TRIM37: variants seen among roughly 807,000 people sequenced by gnomAD.
The protein encoded by TRIM37 is E3 ubiquitin-protein ligase TRIM37.
In TRIM37, 80 loss-of-function variants were observed where a neutral mutation model predicts 129.8. That is an observed-to-expected ratio of 0.62 (90% CI 0.51 to 0.74). The LOEUF is 0.74. Ranked by LOEUF, TRIM37 falls within the 30% of genes least tolerant of loss-of-function variation. The pLI is 0.00. For missense variants in TRIM37, 1,054 were observed against 1,176.5 expected (o/e 0.90, Z 1.52); for synonymous variants, 389 against 387.1 (o/e 1.00, Z -0.06).
chr17:58,982,780 A>C, exon 25 of TRIM37: 1 of 726,216 alleles, frequency 1.4e-6, no homozygotes, highest in Non-Finnish European at 2.2e-6. Flanking sequence ...AAAGGAGTCA[A>C]CATGGCCCCA....
rs1436645474 is a variant in TRIM37, at chr17:59,047,669, A to T, written c.1667+14T>A. On this transcript the variant is annotated intron_variant, in intron 16 of 23. Transcript: ENST00000262294. ...CCACTTAAATGCTTTACAGTAGTAA[A>T]GTGGGAAACTCACATAGTTTCTTCA... is the stretch of plus-strand genomic sequence containing the variant. 5.0e-6 allele frequency: 8 copies of T among 1,611,082 alleles called. No homozygotes were observed. Among genetic ancestry groups the T allele is most frequent in the Non-Finnish European group, 6.8e-6 (8 of 1,178,572 alleles).
intron 2 of TRIM37, among the ~76,000 whole-genome samples, chr17:59,092,995 A>G (rs2044533393): frequency 6.6e-6 from 1 of 152,082 alleles, no homozygotes; most frequent in African/African-American, 2.4e-5. Flanking sequence ...TACTAAAAAT[A>G]CAAATTGAGC....
chr17:59,050,705 C>T (rs534405534), intron 14 of TRIM37, among the ~76,000 whole-genome samples: 119 of 152,080 alleles, frequency 7.8e-4, no homozygotes, highest in Non-Finnish European at 1.4e-3. Flanking sequence ...AGTGGCAGGG[C>T]GTGGTGGCTC....
At chr17:59,101,691 TATATAC>T (rs1314803970) in intron 2 of TRIM37, among the ~76,000 whole-genome samples, 1,432 of 131,016 alleles carry the variant, frequency 0.011, 18 homozygotes, top group African/African-American at 0.019. Context: ...TATATATATA[TATATAC>T]ACACACACAC....
chr17:58,985,462 C>T (rs560165726), intron 24 of TRIM37, among the ~76,000 whole-genome samples: 4 of 152,278 alleles, frequency 2.6e-5, no homozygotes, highest in South Asian at 2.1e-4. Flanking sequence ...AAGGACTAAG[C>T]GGTGGTCATC....
chr17:59,083,952 G>T (rs750749341), intron 5 of TRIM37, 50 bp downstream of exon 5: 99 of 1,433,852 alleles, frequency 6.9e-5, no homozygotes, highest in Non-Finnish European at 9.3e-5. Context: ...AAGTATTTCA[G>T]TGCCTTCTAG....
At chr17:59,088,517 AT>A (rs879379027) in intron 3 of TRIM37, 110 bp from the exon 4 acceptor site, 56,194 of 452,594 alleles carry the variant, frequency 0.12, 1 homozygote, top group South Asian at 0.17. Context: ...CCATAACACT[AT>A]TTTTTTTTTT....
chr17:58,986,743 A>G (rs918988546), intron 24 of TRIM37, among the ~76,000 whole-genome samples: 3 of 152,128 alleles, frequency 2.0e-5, no homozygotes, highest in Non-Finnish European at 2.9e-5. Flanking sequence ...ACCTGACCTC[A>G]AGTGATCTGC....
rs574570400 is a variant in TRIM37 at position 59,044,494 on chromosome 17, G to A, written c.1668-2596C>T. On this transcript the variant is annotated intron_variant, in intron 16 of 23. Coordinates refer to ENST00000262294, the MANE Select transcript of TRIM37 (RefSeq NM_015294.6). ...GGGGAACTGCTTGAACCCAGGAGACGGAGGCTGCAGTGAGCTGAGATTGTG... is the reference window on the plus strand; with the variant it reads ...GGGGAACTGCTTGAACCCAGGAGACAGAGGCTGCAGTGAGCTGAGATTGTG... 6.5e-4 allele frequency among the ~76,000 whole-genome samples: 99 copies of A among 152,004 alleles called. 1 individual carries two copies. The highest frequency in any genetic ancestry group is 2.3e-3 in the African/African-American group (97 of 41,484).
chr17:59,084,162 T>C, intron 4 of TRIM37, 73 bp from the exon 5 acceptor site: 2 of 1,174,186 alleles, frequency 1.7e-6, no homozygotes, highest in Non-Finnish European at 2.5e-6. Context: ...TTCTTAAGCT[T>C]GGGCAAACAG....
At position 59,056,716 on chromosome 17, in the gene TRIM37, C is replaced by CAAAAAAAAAAAAAAAAAAA. The variant is rs869221576; in HGVS notation, c.1199+140_1199+158dup. Among the ~76,000 whole-genome samples, 23 of 38,042 alleles carry CAAAAAAAAAAAAAAAAAAA rather than the reference C, an allele frequency of 6.0e-4. 4 individuals carry two copies. Among genetic ancestry groups the CAAAAAAAAAAAAAAAAAAA allele is most frequent in the Non-Finnish European group, 7.1e-4 (14 of 19,820 alleles). 25.0% of individuals were successfully genotyped at this position (38,042 alleles called of 152,430 possible). ...GGGCGACAGAGCGAGACTATGTCTC[C>CAAAAAAAAAAAAAAAAAAA]AAAAAAAAAAAAAAAAAAAAAAAAA... On this transcript the variant is annotated intron_variant, in intron 13 of 23. Transcript: ENST00000262294.
intron 22 of TRIM37, among the ~76,000 whole-genome samples, chr17:59,003,064 A>G (rs998946052): frequency 1.3e-5 from 2 of 152,110 alleles, no homozygotes; most frequent in African/African-American, 4.8e-5. Flanking sequence ...GTTAGTAGAC[A>G]TGGGATTTCG....
intron 13 of TRIM37, 94 bp from the exon 14 acceptor site, chr17:59,051,422 T>A (rs2040335447): frequency 3.6e-6 from 3 of 835,768 alleles, no homozygotes; most frequent in Non-Finnish European, 6.1e-6. Flanking sequence ...AACTTGATTA[T>A]AAGGCCAAAA....
At chr17:59,056,565 T>TTA (rs2040891916) in intron 13 of TRIM37, among the ~76,000 whole-genome samples, 1 of 151,108 alleles carries the variant, frequency 6.6e-6, no homozygotes, top group Non-Finnish European at 1.5e-5. Context: ...CCGTCTCTAC[T>TTA]AAAAATAGTA....
chr17:58,988,465 A>G (rs1401772245), intron 24 of TRIM37, among the ~76,000 whole-genome samples: 2 of 152,122 alleles, frequency 1.3e-5, no homozygotes, highest in East Asian at 3.9e-4. Context: ...AGCAGAGAGA[A>G]GGGACTATGG....
At chr17:59,086,967 T>C (rs978733108) in intron 4 of TRIM37, among the ~76,000 whole-genome samples, 1 of 152,228 alleles carries the variant, frequency 6.6e-6, no homozygotes, top group African/African-American at 2.4e-5. Context: ...AACACCTAAG[T>C]GTTCACCAAA....
chr17:59,082,705 A>C (rs1433091868), intron 5 of TRIM37, among the ~76,000 whole-genome samples: 2 of 152,182 alleles, frequency 1.3e-5, no homozygotes, highest in Non-Finnish European at 2.9e-5. Flanking sequence ...AGAATTATTA[A>C]ATTTTAATAT....
chr17:59,088,627 C>T (rs545153433), intron 3 of TRIM37, among the ~76,000 whole-genome samples: 2 of 152,024 alleles, frequency 1.3e-5, no homozygotes, highest in East Asian at 1.9e-4. Flanking sequence ...AGCGATCCTC[C>T]TGCCTCAGCC....
At chr17:58,992,928 A>T (rs1418757865) in intron 24 of TRIM37, among the ~76,000 whole-genome samples, 1 of 152,170 alleles carries the variant, frequency 6.6e-6, no homozygotes, top group South Asian at 2.1e-4. Context: ...GACAAAGGCC[A>T]GACAAATTCT....
Sources: gnomAD v4.1 joint callset for allele counts (sites outside exome capture counted in the v4.1 genomes callset) on GRCh38, gnomAD v4.1.1 for gene constraint, MANE v1.5 for transcripts, NCBI Gene and HGNC (gene_info 2026-07-23, HGNC 2026-07-21) for gene names.